Variants in THOC1 observed in about 807,000 individuals in gnomAD.
THOC1 encodes the protein THO complex subunit 1.
In THOC1, 29 loss-of-function variants were observed where a neutral mutation model predicts 97.3. The observed-to-expected ratio is 0.30, with a 90% CI of 0.22 to 0.41. THOC1 has a LOEUF of 0.41. THOC1 is among the 10% of genes least tolerant of loss of function. The pLI is 1.00. For missense variants in THOC1, 529 were observed against 761.9 expected, an observed-to-expected ratio of 0.69 and a Z score of 3.60; for synonymous variants, 255 against 257.0, an observed-to-expected ratio of 0.99 and a Z score of 0.07.
At chr18:240,842 A>G (rs1911870946) in intron 11 of THOC1, among the ~76,000 whole-genome samples, 1 of 152,182 alleles carries the variant, frequency 6.6e-6, no homozygotes, top group African/African-American at 2.4e-5. Context: ...AATCAGTGGA[A>G]GCCCTGAGCT....
intron 1 of THOC1, among the ~76,000 whole-genome samples, chr18:266,199 A>T (rs1912761005): frequency 6.6e-6 from 1 of 152,226 alleles, no homozygotes; most frequent in Admixed American, 6.5e-5. Flanking sequence ...TCATTCTATG[A>T]ACACTCACAT....
At chr18:267,002 C>T (rs1449694873) in intron 1 of THOC1, among the ~76,000 whole-genome samples, 1 of 104,436 alleles carries the variant, frequency 9.6e-6, no homozygotes, top group African/African-American at 3.8e-5. Flanking sequence ...ATATATTATA[C>T]GTATACGTAT....
intron 11 of THOC1, among the ~76,000 whole-genome samples, chr18:233,757 A>G (rs1295464739): frequency 6.6e-6 from 1 of 152,174 alleles, no homozygotes; most frequent in Non-Finnish European, 1.5e-5. Context: ...ATAGGTCTTA[A>G]TATCTGACAC....
intron 4 of THOC1, chr18:263,631 T>A (rs1264982208): frequency 6.4e-6 from 1 of 157,068 alleles, no homozygotes; most frequent in African/African-American, 2.4e-5. Flanking sequence ...CTACACTTCA[T>A]TCCCACTTCG....
chr18:228,870 A>G (rs1911387449), intron 11 of THOC1, among the ~76,000 whole-genome samples: 1 of 152,194 alleles, frequency 6.6e-6, no homozygotes, highest in African/African-American at 2.4e-5. Flanking sequence ...TTAATCAGCA[A>G]TCTTTCTTTA....
intron 12 of THOC1, chr18:226,472 T>C: frequency 4.5e-6 from 1 of 222,166 alleles, no homozygotes; most frequent in Non-Finnish European, 8.9e-6. Flanking sequence ...ATTACTGGCT[T>C]AGTCTGCAAA....
At chr18:239,976 G>A (rs540488679) in intron 11 of THOC1, among the ~76,000 whole-genome samples, 1 of 96,500 alleles carries the variant, frequency 1.0e-5, no homozygotes, top group East Asian at 2.7e-4. Flanking sequence ...CTTTTCAAAG[G>A]TCTATTAACA....
rs200491201 is a variant in THOC1, at chr18:246,440, A to G, written c.802T>C (p.Leu268=). The part of the protein sequence containing the change: ...KTFLKYSEEV[L]AVFKSYKLDD... ...AATTTATAACTCTTAAAAACAGCTAAAACTTCTTCAGAATACTGCAAAATA... is the reference window on the plus strand; with the variant it reads ...AATTTATAACTCTTAAAAACAGCTAGAACTTCTTCAGAATACTGCAAAATA... Residue 268 remains leucine (L), a synonymous_variant, in exon 11 of 21, where the codon TTA becomes CTA. Coordinates refer to ENST00000261600, the MANE Select transcript of THOC1 (RefSeq NM_005131.3). 1.5e-5 allele frequency: 24 copies of G among 1,571,558 alleles called. No individual in the cohort carries two copies. In the East Asian group the frequency reaches 4.9e-4, roughly 32 times the overall value.
chr18:255,316 T>C (rs1199736047), intron 7 of THOC1, among the ~76,000 whole-genome samples: 1 of 152,206 alleles, frequency 6.6e-6, no homozygotes, highest in East Asian at 1.9e-4. Flanking sequence ...GCTTAACAGT[T>C]AGCCAAGTTG....
chr18:216,394 CATG>C (rs1910891800), intron 19 of THOC1, 89 bp downstream of exon 19: 7 of 1,394,336 alleles, frequency 5.0e-6, no homozygotes, highest in Non-Finnish European at 6.8e-6. Context: ...TGGTTTTTCA[CATG>C]ATTAAGTCAG....
chr18:221,369 T>C (rs1911071277), intron 17 of THOC1, among the ~76,000 whole-genome samples: 1 of 152,184 alleles, frequency 6.6e-6, no homozygotes, highest in African/African-American at 2.4e-5. Context: ...TTGTCAAATT[T>C]TTGAGAACAC....
At chr18:246,507 A>C in intron 10 of THOC1, 52 bp from the exon 11 acceptor site, 1 of 1,500,046 alleles carries the variant, frequency 6.7e-7, no homozygotes, top group Non-Finnish European at 9.1e-7. Flanking sequence ...AAATTTGTTT[A>C]GTGCTTTTCT....
Position 254,295 on chromosome 18 carries a change from T to G in THOC1, c.581A>C (p.Gln194Pro). 6.3e-7 allele frequency: 1 copy of G among 1,584,122 alleles called. No individual in the cohort carries two copies. The highest frequency in any genetic ancestry group is 1.8e-5 in the Admixed American group (1 of 55,414). Residue 194 changes from glutamine (Q) to proline (P), a missense_variant, in exon 8 of 21, where the codon CAG (glutamine) becomes CCG (proline). Transcript: ENST00000261600. The surrounding 1 kb of genome is among the most constrained non-coding windows in gnomAD (Gnocchi z 4.1). ...ENVTVFNTNE[Q>P]ESTLGQKHTE... is the part of the protein sequence containing the mutation. ...CACCTTCTGACCCAGGGTGCTTTCC[T>G]GCTCATTTGTATTGAAAACAGTGAC...
At chr18:224,858 T>G in intron 15 of THOC1, 66 bp downstream of exon 15, 1 of 1,293,776 alleles carries the variant, frequency 7.7e-7, no homozygotes, top group South Asian at 1.3e-5. Flanking sequence ...GGAGCACATT[T>G]TCAAAAGCCT....
intron 11 of THOC1, 82 bp downstream of exon 11, chr18:246,242 T>G: frequency 1.8e-6 from 2 of 1,103,798 alleles, no homozygotes; most frequent in Non-Finnish European, 2.6e-6. Flanking sequence ...TCTATTCAGT[T>G]TAACTTAGAA....
intron 17 of THOC1, among the ~76,000 whole-genome samples, chr18:220,492 T>A (rs1911040259): frequency 6.6e-6 from 1 of 152,210 alleles, no homozygotes. Flanking sequence ...ATCTTTAACA[T>A]TCAGATAGAG....
chr18:264,076 C>T lies in THOC1; in HGVS notation c.206G>A (p.Cys69Tyr), dbSNP rs1567858786. 2.5e-6 allele frequency: 4 copies of T among 1,611,378 alleles called. No individual in the cohort carries two copies. Among genetic ancestry groups the T allele is most frequent in the Admixed American group, 3.3e-5 (2 of 59,880 alleles). ...LEEEIINHSS[C>Y]ENVLAIISLA... ...AGAAATAATAGCTAAAACGTTTTCA[C>T]ATGATGAATGATTTATCTACCAACA... Residue 69 changes from cysteine to tyrosine, a missense_variant, in exon 4 of 21, where the codon TGT becomes TAT. Physicochemically the swap from Cys to Tyr is radical, Grantham distance 194. This residue lies in a region of THOC1 where 114 missense variants were observed against 97.4 expected (regional missense o/e 1.17). Transcript: ENST00000261600.
intron 11 of THOC1, among the ~76,000 whole-genome samples, chr18:227,502 C>T (rs1330206043): frequency 6.6e-6 from 1 of 151,858 alleles, no homozygotes; most frequent in African/African-American, 2.4e-5. Context: ...TGAAGATCAT[C>T]TCTGATTAGA....
At chr18:249,467 G>T (rs1457433738) in intron 9 of THOC1, among the ~76,000 whole-genome samples, 17 of 152,034 alleles carry the variant, frequency 1.1e-4, no homozygotes, top group Non-Finnish European at 2.5e-4. Context: ...TTCAAGACCA[G>T]CCTGACCAAC....
Sources: allele counts gnomAD v4.1 joint callset (sites outside exome capture counted in the v4.1 genomes callset), GRCh38; gene constraint gnomAD v4.1.1; regional missense constraint gnomAD v4.1.1; non-coding constraint Gnocchi (gnomAD v3.1); transcripts MANE v1.5; gene names NCBI Gene and HGNC (gene_info 2026-07-23, HGNC 2026-07-21).